TTC7B: variants seen among roughly 807,000 people sequenced by gnomAD.
The protein encoded by TTC7B is tetratricopeptide repeat domain 7B.
A neutral mutation model predicts 106.8 loss-of-function variants in TTC7B; 28 were observed. The ratio of observed to expected loss-of-function variants is 0.26; its 90% CI spans 0.19 to 0.36. The LOEUF (loss-of-function observed/expected upper bound fraction) is 0.36, where lower values mean the gene tolerates loss of function less well. Ranked by LOEUF, TTC7B falls within the 10% of genes least tolerant of loss-of-function variation. TTC7B has a pLI of 1.00. For synonymous variants in TTC7B, 405 were observed against 430.6 expected, an observed-to-expected ratio of 0.94 and a Z score of 0.74; for missense variants, 862 against 1,076.4, an observed-to-expected ratio of 0.80 and a Z score of 2.79.
chr14:90,638,043 G>A (rs1420209683), intron 15 of TTC7B, among the ~76,000 whole-genome samples: 3 of 150,868 alleles, frequency 2.0e-5, no homozygotes, highest in Non-Finnish European at 4.4e-5. Flanking sequence ...CATCACATCT[G>A]GCTACCCTTT....
chr14:90,550,064 T>C (rs1890011884), intron 19 of TTC7B, among the ~76,000 whole-genome samples: 1 of 152,106 alleles, frequency 6.6e-6, no homozygotes, highest in South Asian at 2.1e-4. Context: ...ATACACCGCC[T>C]TCTAACTGCC....
intron 5 of TTC7B, 54 bp downstream of exon 5, chr14:90,730,021 G>C: frequency 1.3e-6 from 2 of 1,557,922 alleles, no homozygotes; most frequent in Admixed American, 4.0e-5. Flanking sequence ...GCATTGTAAG[G>C]CTTTCTACTT....
At position 90,525,311 on chromosome 14, in the gene TTC7B, C is replaced by A. The variant is rs1889121404; in HGVS notation, c.*16057G>T. On this transcript the variant is annotated 3_prime_UTR_variant, in exon 20 of 20. Transcript: ENST00000328459. The stretch of plus-strand genomic sequence containing the variant: ...TATGGACAGATCACAATTCGCTTCT[C>A]CTTTGATCTGTTGGTGGACATTTGG... 1 of 152,240 alleles carries A rather than the reference C, an allele frequency of 6.6e-6. No homozygotes were observed. The highest frequency in any genetic ancestry group is 2.4e-5 in the African/African-American group (1 of 41,454). 9.4% of individuals were successfully genotyped at this position (152,240 alleles called of 1,614,324 possible). A position where few individuals can be genotyped will look rare whatever the true frequency, so the allele number is the denominator to read the frequency against.
Position 90,570,017 on chromosome 14 carries a change from G to A in TTC7B, c.2310+8089C>T, listed in dbSNP as rs1338679192. ...CAACAGGGCTGAGTGTATGAACTTG[G>A]GGGTGGTGGTGACTCCCTCCACCAA... On this transcript the variant is annotated intron_variant, in intron 19 of 19. Transcript: ENST00000328459. The surrounding 1 kb of genome is among the most constrained non-coding windows in gnomAD (Gnocchi z 4.0). 6.6e-6 allele frequency: 1 copy of A among 152,204 alleles called. No homozygotes were observed. The highest frequency in any genetic ancestry group is 1.5e-5 in the Non-Finnish European group (1 of 68,046). The allele number at this position is 152,204 out of a possible 1,614,324, so 9.4% of individuals were successfully genotyped here. A position where few individuals can be genotyped will look rare whatever the true frequency, so the allele number is the denominator to read the frequency against.
At chr14:90,654,476 C>T (rs1264283153) in intron 12 of TTC7B, among the ~76,000 whole-genome samples, 2 of 152,206 alleles carry the variant, frequency 1.3e-5, no homozygotes, top group African/African-American at 2.4e-5. Flanking sequence ...CCAAAAATCA[C>T]TGCGCCCAAG....
At chr14:90,664,968 T>A (rs919975161) in intron 9 of TTC7B, among the ~76,000 whole-genome samples, 8 of 152,232 alleles carry the variant, frequency 5.3e-5, no homozygotes, top group Admixed American at 5.2e-4. Flanking sequence ...AGGGTGGGCA[T>A]GCCAGTGGAT....
At chr14:90,738,792 T>C (rs1889643886) in intron 4 of TTC7B, among the ~76,000 whole-genome samples, 1 of 152,140 alleles carries the variant, frequency 6.6e-6, no homozygotes, top group African/African-American at 2.4e-5. Flanking sequence ...TACACAACAA[T>C]ACGTTCATCG....
chr14:90,682,466 G>C (rs1171188023), intron 7 of TTC7B, among the ~76,000 whole-genome samples: 4 of 152,164 alleles, frequency 2.6e-5, no homozygotes, highest in African/African-American at 7.2e-5. Context: ...ACATTAGAAG[G>C]CTCCCTCTCA....
chr14:90,660,899 AG>A (rs2139904518), intron 9 of TTC7B, among the ~76,000 whole-genome samples: 1 of 152,354 alleles, frequency 6.6e-6, no homozygotes, highest in Non-Finnish European at 1.5e-5. Context: ...GGGCATCCGA[AG>A]ACCTTGAGCA....
intron 1 of TTC7B, among the ~76,000 whole-genome samples, chr14:90,811,508 G>A (rs2030900312): frequency 6.6e-6 from 1 of 152,192 alleles, no homozygotes; most frequent in Admixed American, 6.5e-5. Flanking sequence ...AGGAGGGTGT[G>A]CATGACCAGG....
chr14:90,557,037 G>A (rs552770301), intron 19 of TTC7B, among the ~76,000 whole-genome samples: 19 of 152,268 alleles, frequency 1.2e-4, no homozygotes, highest in South Asian at 1.2e-3. Flanking sequence ...AGTGCTGCAC[G>A]GGGAGGCTTC....
intron 17 of TTC7B, among the ~76,000 whole-genome samples, chr14:90,607,025 C>A (rs899359349): frequency 2.0e-5 from 3 of 151,400 alleles, no homozygotes; most frequent in Admixed American, 6.6e-5. Context: ...TAGGGACTGG[C>A]CTTAAAATAC....
chr14:90,568,073 G>A lies in TTC7B; in HGVS notation c.2310+10033C>T, dbSNP rs139420814. On this transcript the variant is annotated intron_variant, in intron 19 of 19. Transcript: ENST00000328459. ...AGCAATTCAGGCCCAAGATGACTTG[G>A]AAGCAGCAGGCCCAGTTGGCACAGA... Among the ~76,000 whole-genome samples the A allele has an allele frequency of 2.6e-3, 389 of 152,332 alleles. 1 individual carries two copies. The highest frequency in any genetic ancestry group is 8.7e-3 in the African/African-American group (360 of 41,564).
chr14:90,747,187 A>G (rs1219222626), intron 3 of TTC7B, among the ~76,000 whole-genome samples: 1 of 152,186 alleles, frequency 6.6e-6, no homozygotes, highest in East Asian at 1.9e-4. Context: ...GACCCCTAAC[A>G]AAATCCCTAG....
At chr14:90,646,238 C>T (rs1885443513) in intron 14 of TTC7B, among the ~76,000 whole-genome samples, 1 of 152,188 alleles carries the variant, frequency 6.6e-6, no homozygotes, top group African/African-American at 2.4e-5. Flanking sequence ...TCCCAGTCAG[C>T]ACTCAGGAAT....
chr14:90,613,925 G>A (rs188731378), intron 16 of TTC7B, among the ~76,000 whole-genome samples: 68 of 152,318 alleles, frequency 4.5e-4, no homozygotes, highest in South Asian at 1.2e-3. Flanking sequence ...AAGTTATACC[G>A]GCTATTAGAA....
chr14:90,774,256 G>C (rs561042962), intron 3 of TTC7B, among the ~76,000 whole-genome samples: 90 of 152,332 alleles, frequency 5.9e-4, no homozygotes, highest in African/African-American at 2.1e-3. Flanking sequence ...AAAGCAACAA[G>C]AGGGGAGGGG....
intron 5 of TTC7B, among the ~76,000 whole-genome samples, chr14:90,716,026 G>T (rs530906069): frequency 6.6e-6 from 1 of 152,292 alleles, no homozygotes; most frequent in African/African-American, 2.4e-5. Context: ...TACTTGTTAA[G>T]GCAGAGTAAG....
intron 4 of TTC7B, among the ~76,000 whole-genome samples, chr14:90,736,997 T>C (rs1889559818): frequency 6.6e-6 from 1 of 151,512 alleles, no homozygotes; most frequent in Admixed American, 6.6e-5. Flanking sequence ...TATTCCAACA[T>C]TCAAGCTTTA....
Sources: gnomAD v4.1 joint callset for allele counts (sites outside exome capture counted in the v4.1 genomes callset) on GRCh38, gnomAD v4.1.1 for gene constraint, Gnocchi (gnomAD v3.1) non-coding constraint, MANE v1.5 for transcripts, NCBI Gene and HGNC (gene_info 2026-07-23, HGNC 2026-07-21) for gene names.